The following SLC22A3 variants were observed in gnomAD, a reference collection of about 807,000 sequenced individuals.
SLC22A3 encodes the protein solute carrier family 22 member 3.
Under a neutral mutation model 59.1 loss-of-function variants are expected in SLC22A3, and 51 were observed. The observed-to-expected ratio is 0.86, with a 90% CI of 0.69 to 1.09. SLC22A3 has a LOEUF of 1.09. Among genes scored for constraint, SLC22A3 ranks in the 50% least tolerant of loss-of-function variants. The probability of loss-of-function intolerance (pLI) is 0.00; values close to 1 mark genes in which losing one functional copy is unlikely to be tolerated. For synonymous variants in SLC22A3, 325 were observed against 292.0 expected, an observed-to-expected ratio of 1.11 and a Z score of -1.15; for missense variants, 711 against 726.3, an observed-to-expected ratio of 0.98 and a Z score of 0.24.
intron 2 of SLC22A3, among the ~76,000 whole-genome samples, chr6:160,405,458 G>T (rs1035401164): frequency 6.6e-5 from 10 of 152,142 alleles, no homozygotes; most frequent in African/African-American, 2.2e-4. Flanking sequence ...TTGCTGGTGA[G>T]AATGCAAAAT....
In SLC22A3 at chr6:160,432,446, T is replaced by A. The variant is rs888776074; in HGVS notation, c.976-4334T>A. Among the ~76,000 whole-genome samples, 33 of 151,974 alleles carry A rather than the reference T, an allele frequency of 2.2e-4. 1 individual carries two copies. The highest frequency in any genetic ancestry group is 3.4e-3 in the Middle Eastern group (1 of 294). Reference sequence around the variant, plus strand: ...ATGTAGGCTTAATTTTTTTTTTTTTTTTGAGACGGAGTCTCCCCGACACCC... The same window carrying A: ...ATGTAGGCTTAATTTTTTTTTTTTTATTGAGACGGAGTCTCCCCGACACCC... On this transcript the variant is annotated intron_variant, in intron 5 of 10. Coordinates refer to ENST00000275300, the MANE Select transcript of SLC22A3 (RefSeq NM_021977.4).
chr6:160,349,862 T>A (rs537834335), intron 1 of SLC22A3, among the ~76,000 whole-genome samples: 4 of 152,178 alleles, frequency 2.6e-5, no homozygotes, highest in Non-Finnish European at 5.9e-5. Flanking sequence ...ATCAGGTACA[T>A]TAGGAAAAAA....
intron 5 of SLC22A3, chr6:160,425,918 T>A (rs1180200282): frequency 1.0e-6 from 1 of 985,310 alleles, no homozygotes; most frequent in African/African-American, 1.7e-5. Flanking sequence ...ACATTCAGGA[T>A]TGGAATTCCA....
chr6:160,444,082 A>G (rs889441809), intron 9 of SLC22A3, among the ~76,000 whole-genome samples: 2 of 152,200 alleles, frequency 1.3e-5, no homozygotes, highest in Admixed American at 6.5e-5. Flanking sequence ...TAAATTAAAT[A>G]TTCAATATGT....
chr6:160,424,417 A>G (rs1267724452), intron 5 of SLC22A3, among the ~76,000 whole-genome samples: 1 of 152,184 alleles, frequency 6.6e-6, no homozygotes, highest in Non-Finnish European at 1.5e-5. Context: ...CATGTGGGCA[A>G]TCTTTAAATT....
At chr6:160,403,480 C>T (rs776011051) in intron 2 of SLC22A3, among the ~76,000 whole-genome samples, 2 of 151,862 alleles carry the variant, frequency 1.3e-5, no homozygotes, top group Non-Finnish European at 2.9e-5. Context: ...AGAGAAGAAA[C>T]TCTACCAATT....
chr6:160,418,836 T>C (rs1787614020), intron 5 of SLC22A3, among the ~76,000 whole-genome samples: 2 of 152,204 alleles, frequency 1.3e-5, no homozygotes, highest in South Asian at 4.1e-4. Context: ...AATATGCCCA[T>C]ATTTGTTAGT....
intron 1 of SLC22A3, among the ~76,000 whole-genome samples, chr6:160,380,621 T>C (rs2114794185): frequency 1.3e-5 from 2 of 152,356 alleles, no homozygotes; most frequent in Middle Eastern, 6.8e-3. Flanking sequence ...CAAGTGATGA[T>C]AATGATTTCT....
chr6:160,374,471 A>C (rs1022014907), intron 1 of SLC22A3, among the ~76,000 whole-genome samples: 2 of 152,204 alleles, frequency 1.3e-5, no homozygotes, highest in Non-Finnish European at 1.5e-5. Context: ...CCACCTGTGA[A>C]AGTCTTTTGA....
intron 5 of SLC22A3, among the ~76,000 whole-genome samples, chr6:160,417,508 T>C (rs1583494267): frequency 6.6e-6 from 1 of 152,226 alleles, no homozygotes; most frequent in African/African-American, 2.4e-5. Flanking sequence ...CTAGTTCAAC[T>C]GCCAGAGTAG....
intron 1 of SLC22A3, among the ~76,000 whole-genome samples, chr6:160,386,865 C>T (rs887723571): frequency 4.6e-5 from 7 of 152,192 alleles, no homozygotes; most frequent in African/African-American, 1.2e-4. Context: ...CTGGAATGGA[C>T]CTCCTGGCTC....
chr6:160,364,974 GA>G (rs1194898782), intron 1 of SLC22A3, among the ~76,000 whole-genome samples: 8 of 151,798 alleles, frequency 5.3e-5, no homozygotes, highest in Admixed American at 2.6e-4. Flanking sequence ...TCAATATAAT[GA>G]TTTTTTTACT....
intron 5 of SLC22A3, among the ~76,000 whole-genome samples, chr6:160,426,725 T>C (rs925059303): frequency 2.0e-5 from 3 of 152,230 alleles, no homozygotes; most frequent in Admixed American, 1.3e-4. Flanking sequence ...TCCATCTTCC[T>C]AATGATGGGC....
At chr6:160,392,233 G>T (rs1192614044) in intron 1 of SLC22A3, among the ~76,000 whole-genome samples, 1 of 152,108 alleles carries the variant, frequency 6.6e-6, no homozygotes, top group African/African-American at 2.4e-5. Flanking sequence ...TCTGTGGCTG[G>T]ACCTGCTCCT....
Position 160,387,992 on chromosome 6 carries a change from C to A in SLC22A3, c.430-9987C>A, listed in dbSNP as rs146200463. 1.6e-3 allele frequency among the ~76,000 whole-genome samples: 248 copies of A among 152,282 alleles called. 2 individuals carry two copies. In the Middle Eastern group the frequency reaches 0.02, roughly 13 times the overall value. ...TCCCACAGCCACAAGGACTGGGATT[C>A]TGTAAATGCCCCAGATGAGCTGGGA... On this transcript the variant is annotated intron_variant, in intron 1 of 10. Transcript: ENST00000275300.
At chr6:160,374,417 C>T (rs369488353) in intron 1 of SLC22A3, among the ~76,000 whole-genome samples, 3 of 152,128 alleles carry the variant, frequency 2.0e-5, no homozygotes, top group South Asian at 2.1e-4. Flanking sequence ...GCATCCACCT[C>T]GCCGGGAGCT....
rs187273432 is a variant in SLC22A3, at chr6:160,399,669, G to A, written c.533+1587G>A. Among the ~76,000 whole-genome samples the A allele has an allele frequency of 6.9e-3, 1,050 of 152,230 alleles. 21 individuals are homozygous for A. The highest frequency in any genetic ancestry group is 0.024 in the African/African-American group (1,011 of 41,540). On this transcript the variant is annotated intron_variant, in intron 2 of 10. Transcript: ENST00000275300. The stretch of plus-strand genomic sequence containing the variant: ...AGGAAGAACAAGAAATAACTTAATA[G>A]GCCATTTGTCAATGAGAGTACAGTG...
intron 9 of SLC22A3, among the ~76,000 whole-genome samples, chr6:160,445,788 G>C (rs1271005382): frequency 6.6e-6 from 1 of 152,214 alleles, no homozygotes; most frequent in Non-Finnish European, 1.5e-5. Flanking sequence ...GGTGGCACAG[G>C]CACTGTAGCA....
intron 1 of SLC22A3, among the ~76,000 whole-genome samples, chr6:160,355,484 G>A (rs531176316): frequency 5.9e-5 from 9 of 152,140 alleles, no homozygotes; most frequent in East Asian, 3.9e-4. Context: ...TTCCTCGGCC[G>A]GGCACGGTGG....
Sources: allele counts gnomAD v4.1 joint callset (sites outside exome capture counted in the v4.1 genomes callset), GRCh38; gene constraint gnomAD v4.1.1; transcripts MANE v1.5; gene names NCBI Gene and HGNC (gene_info 2026-07-23, HGNC 2026-07-21).